The following SGCD variants were observed in gnomAD, a reference collection of about 807,000 sequenced individuals.
SGCD encodes delta-sarcoglycan.
In SGCD, 18 loss-of-function variants were observed where a neutral mutation model predicts 36.6. The observed-to-expected ratio is 0.49, with a 90% CI of 0.34 to 0.73. The LOEUF (loss-of-function observed/expected upper bound fraction) is 0.73. SGCD is among the 30% of genes least tolerant of loss of function. The pLI is 0.01. For missense variants in SGCD, 387 were observed against 346.7 expected, an observed-to-expected ratio of 1.12 and a Z score of -0.92; for synonymous variants, 133 against 130.6, an observed-to-expected ratio of 1.02 and a Z score of -0.12.
intron 6 of SGCD, among the ~76,000 whole-genome samples, chr5:156,636,942 A>C (rs750306890): frequency 6.6e-6 from 1 of 152,148 alleles, no homozygotes; most frequent in Non-Finnish European, 1.5e-5. Flanking sequence ...GGTCTCAAAT[A>C]AATAATAAGT....
intron 1 of SGCD, among the ~76,000 whole-genome samples, chr5:156,106,020 G>A (rs1761637610): frequency 7.3e-6 from 1 of 137,280 alleles, no homozygotes; most frequent in Non-Finnish European, 1.5e-5. Context: ...CTGAGGCAGA[G>A]AATTGCTTGA....
At chr5:156,743,203 C>T (rs1014194699) in intron 7 of SGCD, among the ~76,000 whole-genome samples, 10 of 150,848 alleles carry the variant, frequency 6.6e-5, no homozygotes, top group African/African-American at 1.5e-4. Flanking sequence ...CCTCCGCCTC[C>T]TGGGTTCAAG....
rs113589260 is a variant in SGCD, at chr5:155,898,715, C to A, written c.-282+28291C>A. Reference sequence around the variant, plus strand: ...CTGCCATCCTCACCATGCCAGCCATCCCCTCAGGATACAGCTTGGCTGCTG... The same window carrying A: ...CTGCCATCCTCACCATGCCAGCCATACCCTCAGGATACAGCTTGGCTGCTG... On this transcript the variant is annotated intron_variant, in intron 1 of 9. Coordinates refer to the SGCD transcript ENST00000517913. Among the ~76,000 whole-genome samples the A allele has an allele frequency of 4.6e-3, 704 of 152,292 alleles. 2 individuals are homozygous for A. Among genetic ancestry groups the A allele is most frequent in the Non-Finnish European group, 6.4e-3 (434 of 68,026 alleles).
At chr5:155,946,310 G>C (rs1319766361) in intron 1 of SGCD, among the ~76,000 whole-genome samples, 1 of 152,178 alleles carries the variant, frequency 6.6e-6, no homozygotes, top group East Asian at 1.9e-4. Flanking sequence ...TTATAGTTGA[G>C]GATATTGAGG....
At chr5:155,933,910 A>G (rs568499707) in intron 1 of SGCD, among the ~76,000 whole-genome samples, 31 of 152,334 alleles carry the variant, frequency 2.0e-4, no homozygotes, top group African/African-American at 7.2e-4. Context: ...TGTGTGAAAC[A>G]CCCACAGAAT....
intron 1 of SGCD, among the ~76,000 whole-genome samples, chr5:155,973,029 A>T (rs937633112): frequency 6.6e-6 from 1 of 152,072 alleles, no homozygotes; most frequent in Non-Finnish European, 1.5e-5. Context: ...TGCCATGCCA[A>T]TTTTAAAATT....
At chr5:156,013,998 CTT>C (rs1190792410) in intron 1 of SGCD, among the ~76,000 whole-genome samples, 3 of 148,300 alleles carry the variant, frequency 2.0e-5, no homozygotes, top group African/African-American at 4.9e-5. Context: ...ATGCAGCTTA[CTT>C]TTTTTTTTCT....
intron 3 of SGCD, among the ~76,000 whole-genome samples, chr5:156,433,450 T>A (rs577177174): frequency 2.6e-5 from 4 of 152,136 alleles, no homozygotes; most frequent in African/African-American, 7.2e-5. Context: ...AAGGCCCACG[T>A]TGGTGGCTGA....
At chr5:156,289,584 TTTTA>T (rs1766704822) in intron 3 of SGCD, among the ~76,000 whole-genome samples, 2 of 151,970 alleles carry the variant, frequency 1.3e-5, no homozygotes, top group South Asian at 4.1e-4. Context: ...TTCTTCTTTT[TTTTA>T]TTTTTTTATT....
intron 7 of SGCD, among the ~76,000 whole-genome samples, chr5:156,699,156 C>A (rs1754433837): frequency 6.6e-6 from 1 of 152,174 alleles, no homozygotes; most frequent in African/African-American, 2.4e-5. Flanking sequence ...ACTTACTCAG[C>A]AGAGACACTT....
the SGCD span, among the ~76,000 whole-genome samples, chr5:155,818,796 C>T: frequency 1.3e-5 from 2 of 152,186 alleles, no homozygotes; most frequent in Non-Finnish European, 2.9e-5. Context: ...AATGGGATTA[C>T]AAGTGTGAGC....
rs75057307 is a variant in SGCD, at chr5:156,238,352, G to A, written c.-43-91182G>A. On this transcript the variant is annotated intron_variant, in intron 3 of 9. Transcript: ENST00000517913. ...TCCTTTAGAGTAGGTGGTATAGAGC[G>A]GGGATCCCTTTCCCTGGAGTGGGCA... Among the ~76,000 whole-genome samples the A allele has an allele frequency of 3.0e-4, 46 of 152,228 alleles. No individual in the cohort carries two copies. In the East Asian group the frequency reaches 3.5e-3, roughly 12 times the overall value.
intron 4 of SGCD, among the ~76,000 whole-genome samples, chr5:156,545,670 G>A (rs1758543401): frequency 6.6e-6 from 1 of 152,106 alleles, no homozygotes; most frequent in African/African-American, 2.4e-5. Context: ...AGGCAGTAAT[G>A]CTCACTCGCC....
intron 3 of SGCD, among the ~76,000 whole-genome samples, chr5:156,468,341 CAAAAA>C (rs60364292): frequency 3.6e-4 from 40 of 110,904 alleles, no homozygotes; most frequent in Non-Finnish European, 4.6e-4. Flanking sequence ...GACCTTGTCT[CAAAAA>C]AAAAAAAAAA....
At chr5:156,483,106 G>A (rs1755512073) in intron 3 of SGCD, among the ~76,000 whole-genome samples, 1 of 152,100 alleles carries the variant, frequency 6.6e-6, no homozygotes, top group Admixed American at 6.6e-5. Flanking sequence ...AAGTGAAGGA[G>A]CCAGCTGTGC....
At chr5:155,742,609 G>A in the SGCD span, among the ~76,000 whole-genome samples, 8 of 152,198 alleles carry the variant, frequency 5.3e-5, no homozygotes, top group Non-Finnish European at 1.5e-5. Flanking sequence ...AAGCCTCAAC[G>A]TAGATTACCT....
intron 1 of SGCD, among the ~76,000 whole-genome samples, chr5:155,955,053 G>C (rs1158496662): frequency 6.6e-6 from 1 of 152,142 alleles, no homozygotes; most frequent in Non-Finnish European, 1.5e-5. Context: ...CTACTTGCAG[G>C]AGGGTCAGCC....
intron 3 of SGCD, among the ~76,000 whole-genome samples, chr5:156,194,692 T>C (rs10058363): frequency 8.0e-4 from 121 of 152,118 alleles, no homozygotes; most frequent in African/African-American, 2.8e-3. Flanking sequence ...ATACCTTAAA[T>C]TGATGGATAA....
chr5:156,283,907 C>G (rs1233594527), intron 3 of SGCD, among the ~76,000 whole-genome samples: 1 of 152,146 alleles, frequency 6.6e-6, no homozygotes, highest in Non-Finnish European at 1.5e-5. Context: ...GCTGAGTTCT[C>G]CCCAGTTCTT....
Sources: gnomAD v4.1 joint callset for allele counts (sites outside exome capture counted in the v4.1 genomes callset) on GRCh38, gnomAD v4.1.1 for gene constraint, MANE v1.5 for transcripts, NCBI Gene and HGNC (gene_info 2026-07-23, HGNC 2026-07-21) for gene names.